ARHGEF11: variants seen among roughly 807,000 people sequenced by gnomAD.
The protein encoded by ARHGEF11 is Rho guanine nucleotide exchange factor 11, also known as Rho guanine exchange factor (GEF) 11.
ARHGEF11 carries 55 observed loss-of-function variants against 193.7 expected under a neutral mutation model. The ratio of observed to expected loss-of-function variants is 0.28; its 90% CI spans 0.23 to 0.36. ARHGEF11 has a LOEUF of 0.36. Ranked by LOEUF, ARHGEF11 falls within the 10% of genes least tolerant of loss-of-function variation. The probability of loss-of-function intolerance (pLI) is 1.00; values close to 1 mark genes in which losing one functional copy is unlikely to be tolerated. For missense variants in ARHGEF11, 1,723 were observed against 2,005.6 expected, an observed-to-expected ratio of 0.86 and a Z score of 2.69; for synonymous variants, 693 against 768.0, an observed-to-expected ratio of 0.90 and a Z score of 1.62.
chr1:157,018,600 G>A (rs563111749), intron 1 of ARHGEF11, among the ~76,000 whole-genome samples: 21 of 151,156 alleles, frequency 1.4e-4, no homozygotes, highest in Non-Finnish European at 2.4e-4. Flanking sequence ...AGCCGAGATC[G>A]TGCCACTGCA....
chr1:156,941,287 T>C (rs1307751209), intron 35 of ARHGEF11, 85 bp downstream of exon 35: 5 of 1,304,094 alleles, frequency 3.8e-6, no homozygotes, highest in Non-Finnish European at 5.6e-6. Context: ...TGATGGACTC[T>C]CCCATCGCCC....
Position 156,939,758 on chromosome 1 carries a change from C to T in ARHGEF11, c.3886G>A (p.Ala1296Thr), listed in dbSNP as rs746153844. ...HPWDPGSPGQAPPGGEGDNTQ... is the reference protein window; with the variant it reads ...HPWDPGSPGQTPPGGEGDNTQ... ...TTGTCCCCTTCACCCCCAGGGGGTG[C>T]TTGCCCTGGGGAGCCTGGGTCCCAG... The change falls in exon 37 of 41, where the codon GCA becomes ACA. Residue 1296 changes from alanine to threonine, a missense_variant. Ala to Thr is a moderately conservative substitution (Grantham distance 58). Coordinates refer to ENST00000368194, the MANE Select transcript of ARHGEF11 (RefSeq NM_198236.3). 6.2e-7 allele frequency: 1 copy of T among 1,613,914 alleles called. No individual in the cohort carries two copies. Among genetic ancestry groups the T allele is most frequent in the African/African-American group, 1.3e-5 (1 of 75,040 alleles).
In ARHGEF11 at chr1:156,946,127, C is replaced by T; in HGVS notation, c.2730G>A (p.Gln910=). 2 of 1,613,332 alleles carry T rather than the reference C, an allele frequency of 1.2e-6. No individual in the cohort carries two copies. The highest frequency in any genetic ancestry group is 1.7e-6 in the Non-Finnish European group (2 of 1,179,914). Residue 910 remains glutamine, a synonymous_variant, in exon 29 of 41, where the codon CAG becomes CAA. Coordinates refer to ENST00000368194, the MANE Select transcript of ARHGEF11 (RefSeq NM_198236.3). ...AESHPQCRRL[Q]LRDLIISEMQ... ...TCTCAGAGATGATGAGGTCTCTCAGCTGCAGCCGCCGACACTGAGGGTGGC... is the reference window on the plus strand; with the variant it reads ...TCTCAGAGATGATGAGGTCTCTCAGTTGCAGCCGCCGACACTGAGGGTGGC...
chr1:157,035,655 C>T (rs1671828106), intron 1 of ARHGEF11, among the ~76,000 whole-genome samples: 1 of 151,616 alleles, frequency 6.6e-6, no homozygotes, highest in Admixed American at 6.6e-5. Context: ...TAGTTAGTCA[C>T]TCAGCTGGGG....
intron 1 of ARHGEF11, among the ~76,000 whole-genome samples, chr1:157,041,169 A>G (rs766648802): frequency 3.3e-5 from 5 of 152,240 alleles, no homozygotes; most frequent in Non-Finnish European, 7.3e-5. Context: ...AACCAGGCTA[A>G]CAGATATAGA....
chr1:156,958,601 G>A (rs1288118711), intron 17 of ARHGEF11, 141 bp downstream of exon 17: 1 of 1,192,440 alleles, frequency 8.4e-7, no homozygotes, highest in Non-Finnish European at 1.2e-6. Flanking sequence ...AATGCAGCAG[G>A]AGTGCAGGAC....
intron 38 of ARHGEF11, among the ~76,000 whole-genome samples, chr1:156,938,106 A>G (rs931880596): frequency 6.6e-6 from 1 of 152,076 alleles, no homozygotes; most frequent in Admixed American, 6.5e-5. Context: ...GGCTGCTTGC[A>G]TATCAGGTGA....
At chr1:157,011,766 A>C (rs1668575453) in intron 1 of ARHGEF11, among the ~76,000 whole-genome samples, 1 of 152,248 alleles carries the variant, frequency 6.6e-6, no homozygotes, top group African/African-American at 2.4e-5. Flanking sequence ...ATGCAAATCA[A>C]AACAACAATG....
At chr1:156,947,701 G>A in intron 25 of ARHGEF11, 68 bp downstream of exon 25, 1 of 1,571,040 alleles carries the variant, frequency 6.4e-7, no homozygotes, top group Non-Finnish European at 8.7e-7. Flanking sequence ...CCACCCTTGT[G>A]TCTTAGGCAT....
At position 156,937,316 on chromosome 1, in the gene ARHGEF11, G is replaced by A. The variant is rs773257128; in HGVS notation, c.4373C>T (p.Ala1458Val). The change falls in exon 39 of 41, where the codon GCC becomes GTC. Residue 1458 changes from alanine (A) to valine (V), a missense_variant. Physicochemically the swap from Ala to Val is moderately conservative, Grantham distance 64. Around this residue, in one of 5 missense-constraint regions of ARHGEF11, gnomAD observed 360 missense variants for 344.4 expected, o/e 1.05. Coordinates refer to ENST00000368194, the MANE Select transcript of ARHGEF11 (RefSeq NM_198236.3). ...RRPSRSPPSL[A>V]LRDVGMIFHT... ...GAAGATCATGCCCACGTCCCTGAGG[G>A]CCAGGCTTGGAGGAGAGCGGCTGGG... The A allele has an allele frequency of 6.2e-7, 1 of 1,613,984 alleles. No homozygotes were observed. The highest frequency in any genetic ancestry group is 8.5e-7 in the Non-Finnish European group (1 of 1,179,940).
chr1:156,965,419 G>A (rs1275639593), intron 11 of ARHGEF11, among the ~76,000 whole-genome samples: 1 of 152,184 alleles, frequency 6.6e-6, no homozygotes, highest in Non-Finnish European at 1.5e-5. Context: ...TTCTGACCCT[G>A]CCAGTAACAA....
Position 156,976,968 on chromosome 1 carries a change from T to G in ARHGEF11, c.582+15A>C. 1 of 1,612,332 alleles carries G rather than the reference T, an allele frequency of 6.2e-7. No individual in the cohort carries two copies. Among genetic ancestry groups the G allele is most frequent in the Non-Finnish European group, 8.5e-7 (1 of 1,178,350 alleles). On this transcript the variant is annotated intron_variant, in intron 7 of 40. Coordinates refer to ENST00000368194, the MANE Select transcript of ARHGEF11 (RefSeq NM_198236.3). Reference sequence around the variant, plus strand: ...ACTCAGGCAATGGCCAGTCTACCCTTGGCAGTGACCTTACCTGTAATTCTT... The same window carrying G: ...ACTCAGGCAATGGCCAGTCTACCCTGGGCAGTGACCTTACCTGTAATTCTT...
At chr1:157,035,467 G>A (rs1351238935) in intron 1 of ARHGEF11, among the ~76,000 whole-genome samples, 3 of 151,288 alleles carry the variant, frequency 2.0e-5, no homozygotes, top group Non-Finnish European at 4.4e-5. Context: ...GAGCAATGGC[G>A]CAATCTCGGC....
intron 26 of ARHGEF11, 34 bp downstream of exon 26, chr1:156,947,270 A>T (rs768661338): frequency 1.3e-6 from 2 of 1,574,822 alleles, no homozygotes; most frequent in East Asian, 4.5e-5. Context: ...GAAGGGCAGC[A>T]GAAGAGGAGT....
At chr1:156,945,485 G>A in intron 29 of ARHGEF11, 2 of 413,160 alleles carry the variant, frequency 4.8e-6, no homozygotes, top group East Asian at 9.2e-5. Flanking sequence ...AGAGACTGTG[G>A]TAAATGGCCA....
In ARHGEF11 at chr1:156,943,949, C is replaced by T; in HGVS notation, c.3221G>A (p.Arg1074His). ...PVLKLNAVLI[R>H]SVATDKRAFF... is the part of the protein sequence containing the mutation. Reference sequence around the variant, plus strand: ...TCCCCAGGTACCTGTGGCCACAGAGCGGATGAGCACAGCATTGAGCTTGAG... The same window carrying T: ...TCCCCAGGTACCTGTGGCCACAGAGTGGATGAGCACAGCATTGAGCTTGAG... The change falls in exon 32 of 41, where the codon CGC (arginine) becomes CAC (histidine). Residue 1074 changes from arginine to histidine, a missense_variant. By Grantham distance (29) the Arg-to-His change is conservative. Transcript: ENST00000368194. The T allele has an allele frequency of 1.2e-6, 2 of 1,612,768 alleles. No homozygotes were observed. The highest frequency in any genetic ancestry group is 1.7e-6 in the Non-Finnish European group (2 of 1,179,204).
intron 1 of ARHGEF11, among the ~76,000 whole-genome samples, chr1:157,024,937 T>G (rs1460122162): frequency 6.6e-6 from 1 of 152,230 alleles, no homozygotes; most frequent in Non-Finnish European, 1.5e-5. Context: ...AAAATGTGTG[T>G]TAGATATGTC....
At chr1:156,957,529 A>G (rs1029365196) in intron 18 of ARHGEF11, among the ~76,000 whole-genome samples, 6 of 152,188 alleles carry the variant, frequency 3.9e-5, no homozygotes, top group Non-Finnish European at 5.9e-5. Flanking sequence ...GACTGTGAGA[A>G]GCGATGGCAG....
intron 1 of ARHGEF11, among the ~76,000 whole-genome samples, chr1:157,037,853 A>G (rs1353536875): frequency 2.0e-5 from 3 of 151,834 alleles, no homozygotes; most frequent in Admixed American, 1.3e-4. Context: ...CAACATGGTG[A>G]AACCCCCGTC....
Sources: allele counts gnomAD v4.1 joint callset (sites outside exome capture counted in the v4.1 genomes callset), GRCh38; gene constraint gnomAD v4.1.1; regional missense constraint gnomAD v4.1.1; transcripts MANE v1.5; gene names NCBI Gene and HGNC (gene_info 2026-07-23, HGNC 2026-07-21).